PRKG1: variants seen among roughly 807,000 people sequenced by gnomAD.
PRKG1 encodes the protein protein kinase cGMP-dependent 1.
Under a neutral mutation model 88.1 loss-of-function variants are expected in PRKG1, and 35 were observed. That is an observed-to-expected ratio of 0.40 (90% CI 0.30 to 0.53). The LOEUF (loss-of-function observed/expected upper bound fraction) is 0.53. Ranked by LOEUF, PRKG1 falls within the 20% of genes least tolerant of loss-of-function variation. The pLI is 0.59. For synonymous variants in PRKG1, 303 were observed against 292.5 expected (o/e 1.04, Z -0.37); for missense variants, 540 against 839.8 (o/e 0.64, Z 4.41).
chr10:51,912,449 A>G (rs1304641835), intron 5 of PRKG1, among the ~76,000 whole-genome samples: 1 of 152,202 alleles, frequency 6.6e-6, no homozygotes, highest in Non-Finnish European at 1.5e-5. Flanking sequence ...TTAGAGGGCT[A>G]CTGCAAAATA....
chr10:51,317,716 TG>T (rs1388353385), intron 2 of PRKG1, among the ~76,000 whole-genome samples: 1 of 152,174 alleles, frequency 6.6e-6, no homozygotes, highest in Non-Finnish European at 1.5e-5. Context: ...TTCTGAACAT[TG>T]CAACTCCTGT....
Position 52,253,201 on chromosome 10 carries a change from G to A in PRKG1, c.1173+1535G>A, listed in dbSNP as rs76401598. ...TCCTTAAATATTATTTTTTAAAGACGAAGGACAATAAAACTACTATTTTTG... is the reference window on the plus strand; with the variant it reads ...TCCTTAAATATTATTTTTTAAAGACAAAGGACAATAAAACTACTATTTTTG... On this transcript the variant is annotated intron_variant, in intron 10 of 17. Coordinates refer to ENST00000373980, the MANE Select transcript of PRKG1 (RefSeq NM_006258.4). 5.6e-3 allele frequency among the ~76,000 whole-genome samples: 853 copies of A among 151,786 alleles called. 7 individuals are homozygous for A. The highest frequency in any genetic ancestry group is 0.019 in the African/African-American group (803 of 41,376).
chr10:51,728,658 T>C (rs758153501), intron 3 of PRKG1, among the ~76,000 whole-genome samples: 16 of 152,100 alleles, frequency 1.1e-4, no homozygotes, highest in Non-Finnish European at 1.8e-4. Context: ...AAAAGTGTTA[T>C]ATAAGTATCA....
At chr10:51,841,348 G>A (rs1840270678) in intron 4 of PRKG1, among the ~76,000 whole-genome samples, 1 of 152,156 alleles carries the variant, frequency 6.6e-6, no homozygotes. Flanking sequence ...ATAGTCAAAT[G>A]GGAGCAACAA....
At chr10:51,150,301 T>G (rs769177980) in intron 1 of PRKG1, among the ~76,000 whole-genome samples, 1 of 152,130 alleles carries the variant, frequency 6.6e-6, no homozygotes, top group South Asian at 2.1e-4. Context: ...AGTGAGTGTC[T>G]TAGACCATTT....
intron 9 of PRKG1, among the ~76,000 whole-genome samples, chr10:52,199,358 C>G (rs1286855363): frequency 3.9e-5 from 6 of 152,122 alleles, no homozygotes; most frequent in Non-Finnish European, 8.8e-5. Context: ...CCACATCCCC[C>G]TGAATCAAAC....
intron 8 of PRKG1, among the ~76,000 whole-genome samples, chr10:52,155,639 G>A (rs1838071768): frequency 6.6e-6 from 1 of 151,518 alleles, no homozygotes; most frequent in East Asian, 1.9e-4. Context: ...ATGCCAAAGT[G>A]TTAACGTTTA....
intron 4 of PRKG1, among the ~76,000 whole-genome samples, chr10:51,838,225 A>G (rs1234501105): frequency 1.3e-5 from 2 of 152,220 alleles, no homozygotes; most frequent in East Asian, 1.9e-4. Context: ...TTTTAATAAT[A>G]TATGTGCTCA....
chr10:50,997,999 A>G (rs1401060504), intron 1 of PRKG1, among the ~76,000 whole-genome samples: 1 of 152,206 alleles, frequency 6.6e-6, no homozygotes, highest in East Asian at 1.9e-4. Flanking sequence ...TCAGTTTCCT[A>G]TGGAAAGGAG....
chr10:51,450,302 A>G (rs2132768760), intron 2 of PRKG1, among the ~76,000 whole-genome samples: 1 of 152,142 alleles, frequency 6.6e-6, no homozygotes, highest in East Asian at 1.9e-4. Context: ...TAAGAAGTAT[A>G]TCTAGTTTAT....
chr10:51,895,934 T>G (rs1472717853), intron 4 of PRKG1, among the ~76,000 whole-genome samples: 1 of 152,064 alleles, frequency 6.6e-6, no homozygotes, highest in Non-Finnish European at 1.5e-5. Context: ...TTCTCCTCTG[T>G]GCACACAAAA....
intron 5 of PRKG1, among the ~76,000 whole-genome samples, chr10:51,925,669 A>G (rs1589426664): frequency 6.6e-6 from 1 of 152,278 alleles, no homozygotes; most frequent in East Asian, 1.9e-4. Context: ...CTCTTGAGAA[A>G]AAGTACAGAT....
intron 9 of PRKG1, among the ~76,000 whole-genome samples, chr10:52,188,653 G>T (rs1839284071): frequency 6.6e-6 from 1 of 152,106 alleles, no homozygotes; most frequent in Admixed American, 6.6e-5. Flanking sequence ...AGAAACAGAT[G>T]ATTTCTATTG....
chr10:51,911,881 C>T (rs1282171923), intron 5 of PRKG1, among the ~76,000 whole-genome samples: 1 of 152,176 alleles, frequency 6.6e-6, no homozygotes, highest in Admixed American at 6.5e-5. Flanking sequence ...ACCATTAAAG[C>T]CTTCAACAAA....
intron 3 of PRKG1, among the ~76,000 whole-genome samples, chr10:51,572,508 A>G (rs1837783021): frequency 6.6e-6 from 1 of 151,870 alleles, no homozygotes; most frequent in African/African-American, 2.4e-5. Context: ...TATCCAGGTC[A>G]ATATCCCTAT....
chr10:52,058,508 G>T (rs1846162506), intron 6 of PRKG1, among the ~76,000 whole-genome samples: 1 of 152,000 alleles, frequency 6.6e-6, no homozygotes, highest in African/African-American at 2.4e-5. Context: ...CATGCCTACA[G>T]TTAACGTACT....
At chr10:51,682,170 G>A (rs910624683) in intron 3 of PRKG1, among the ~76,000 whole-genome samples, 3 of 152,174 alleles carry the variant, frequency 2.0e-5, no homozygotes, top group Non-Finnish European at 2.9e-5. Context: ...AACTTCTTGG[G>A]TCAAACAGAG....
chr10:51,216,799 A>G (rs1354940447), intron 2 of PRKG1, among the ~76,000 whole-genome samples: 1 of 152,184 alleles, frequency 6.6e-6, no homozygotes, highest in South Asian at 2.1e-4. Context: ...CTAATTCAGC[A>G]TTGATTTTTT....
At chr10:51,005,681 C>T (rs185892984) in intron 1 of PRKG1, among the ~76,000 whole-genome samples, 12 of 152,094 alleles carry the variant, frequency 7.9e-5, no homozygotes, top group Non-Finnish European at 1.5e-4. Flanking sequence ...CGAGTTTAAA[C>T]GAAACACTGT....
Sources: gnomAD v4.1 joint callset for allele counts (sites outside exome capture counted in the v4.1 genomes callset) on GRCh38, gnomAD v4.1.1 for gene constraint, MANE v1.5 for transcripts, NCBI Gene and HGNC (gene_info 2026-07-23, HGNC 2026-07-21) for gene names.